The following ATRN variants were observed in gnomAD, a reference collection of about 807,000 sequenced individuals.
ATRN encodes attractin, also known as attractin-2.
ATRN carries 54 observed loss-of-function variants against 178.7 expected under a neutral mutation model. That is an observed-to-expected ratio of 0.30 (90% CI 0.24 to 0.38). The LOEUF is 0.38. ATRN is among the 10% of genes least tolerant of loss of function. The pLI is 1.00. For missense variants in ATRN, 1,443 were observed against 1,815.1 expected (o/e 0.79, Z 3.73); for synonymous variants, 636 against 663.0 (o/e 0.96, Z 0.63).
chr20:3,517,557 G>A (rs113307569), intron 1 of ATRN, among the ~76,000 whole-genome samples: 22,053 of 149,060 alleles, frequency 0.15, 2,072 homozygotes, highest in Non-Finnish European at 0.21. Context: ...GATCACCTGA[G>A]GTCACAAGTT....
intron 26 of ATRN, among the ~76,000 whole-genome samples, chr20:3,635,894 G>A (rs2087021707): frequency 6.6e-6 from 1 of 152,068 alleles, no homozygotes; most frequent in Admixed American, 6.6e-5. Context: ...AAAGCCTAAT[G>A]AATTACGTGA....
chr20:3,480,376 A>G (rs2084603022), intron 1 of ATRN, among the ~76,000 whole-genome samples: 1 of 152,226 alleles, frequency 6.6e-6, no homozygotes, highest in South Asian at 2.1e-4. Flanking sequence ...AGAACTGTTA[A>G]GAGTTAGCGT....
chr20:3,511,383 G>A lies in ATRN; in HGVS notation c.411-23870G>A, dbSNP rs144156052. On this transcript the variant is annotated intron_variant, in intron 1 of 28. Coordinates refer to ENST00000262919, the MANE Select transcript of ATRN (RefSeq NM_139321.3). ...CTGGTATCAGTAATAGGAAAGGGGA[G>A]ATCACGGTAGATCTTAACAGACACT... is the stretch of plus-strand genomic sequence containing the variant. Among the ~76,000 whole-genome samples, 4 of 151,754 alleles carry A rather than the reference G, an allele frequency of 2.6e-5. No individual in the cohort carries two copies. The East Asian group carries it at 7.7e-4, about 29-fold the overall frequency.
At chr20:3,481,444 G>C (rs765567247) in intron 1 of ATRN, among the ~76,000 whole-genome samples, 1 of 152,098 alleles carries the variant, frequency 6.6e-6, no homozygotes, top group South Asian at 2.1e-4. Context: ...TGAGCCTCTG[G>C]GCTCAAGTGC....
At chr20:3,601,434 A>G (rs1455004237) in intron 23 of ATRN, among the ~76,000 whole-genome samples, 1 of 152,224 alleles carries the variant, frequency 6.6e-6, no homozygotes, top group Non-Finnish European at 1.5e-5. Context: ...AAATGAAAAC[A>G]TTTTAAATAA....
At chr20:3,473,223 T>C (rs999380205) in intron 1 of ATRN, among the ~76,000 whole-genome samples, 1 of 152,152 alleles carries the variant, frequency 6.6e-6, no homozygotes, top group Non-Finnish European at 1.5e-5. Flanking sequence ...AAAAATTTTA[T>C]TGTAATTTTG....
intron 4 of ATRN, among the ~76,000 whole-genome samples, chr20:3,547,021 A>G (rs1419939089): frequency 1.3e-5 from 2 of 152,092 alleles, no homozygotes; most frequent in Non-Finnish European, 2.9e-5. Context: ...TACCTCCTTT[A>G]ATTTCTTTGA....
intron 1 of ATRN, among the ~76,000 whole-genome samples, chr20:3,515,143 A>C (rs917186220): frequency 6.6e-6 from 1 of 152,244 alleles, no homozygotes; most frequent in Non-Finnish European, 1.5e-5. Context: ...AAACAGCTGC[A>C]GTAAGGCAAG....
At chr20:3,639,550 G>C (rs1417522155) in intron 27 of ATRN, among the ~76,000 whole-genome samples, 1 of 152,014 alleles carries the variant, frequency 6.6e-6, no homozygotes, top group Non-Finnish European at 1.5e-5. Flanking sequence ...ACCGCACCCA[G>C]CCTATTTTTC....
At chr20:3,515,816 C>G (rs1314373162) in intron 1 of ATRN, among the ~76,000 whole-genome samples, 1 of 151,916 alleles carries the variant, frequency 6.6e-6, no homozygotes, top group Admixed American at 6.6e-5. Flanking sequence ...CTGGTGATGC[C>G]CTTGATTGGG....
At chr20:3,527,516 T>G (rs2085384030) in intron 1 of ATRN, among the ~76,000 whole-genome samples, 1 of 151,750 alleles carries the variant, frequency 6.6e-6, no homozygotes, top group Non-Finnish European at 1.5e-5. Context: ...GACAGTGGGG[T>G]GACTCAAGGT....
intron 25 of ATRN, among the ~76,000 whole-genome samples, chr20:3,633,928 A>G (rs569975006): frequency 1.3e-5 from 2 of 152,338 alleles, no homozygotes; most frequent in East Asian, 3.9e-4. Context: ...TAACTTTTTC[A>G]CCTTCTTAGA....
chr20:3,533,536 T>C (rs1374712673), intron 1 of ATRN, among the ~76,000 whole-genome samples: 1 of 152,172 alleles, frequency 6.6e-6, no homozygotes, highest in East Asian at 1.9e-4. Flanking sequence ...TTTTCCTCCT[T>C]CCTGCTGGGT....
At chr20:3,551,779 G>T (rs969138598) in intron 6 of ATRN, among the ~76,000 whole-genome samples, 7 of 152,048 alleles carry the variant, frequency 4.6e-5, no homozygotes, top group Non-Finnish European at 8.8e-5. Flanking sequence ...GAAAGATAAA[G>T]GTCAGAAAAT....
At chr20:3,472,227 A>G (rs1019710650) in intron 1 of ATRN, among the ~76,000 whole-genome samples, 18 of 152,224 alleles carry the variant, frequency 1.2e-4, no homozygotes, top group African/African-American at 3.1e-4. Flanking sequence ...GGAGAAATCA[A>G]TAAATTAATT....
In ATRN at chr20:3,592,357, G is replaced by A. The variant is rs537829030; in HGVS notation, c.3322+1051G>A. The A allele has an allele frequency of 9.4e-4, 619 of 661,056 alleles. 1 individual carries two copies. The highest frequency in any genetic ancestry group is 1.1e-3 in the Non-Finnish European group (591 of 541,326). The allele number at this position is 661,056 out of a possible 1,614,324, so 40.9% of individuals were successfully genotyped here. The stretch of plus-strand genomic sequence containing the variant: ...GGAGGTTGCAGTGAGCTAAGATCAC[G>A]CCACTGCACTCCAGCCTGGGCAACA... On this transcript the variant is annotated intron_variant, in intron 19 of 28. Transcript: ENST00000262919.
intron 11 of ATRN, 148 bp downstream of exon 11, chr20:3,565,580 A>G (rs2086021934): frequency 1.5e-6 from 1 of 661,086 alleles, no homozygotes; most frequent in Admixed American, 2.5e-5. Flanking sequence ...ATCCTGGCCA[A>G]CATGGTAAAG....
chr20:3,534,931 A>G (rs898585734), intron 1 of ATRN, among the ~76,000 whole-genome samples: 12 of 152,210 alleles, frequency 7.9e-5, no homozygotes, highest in African/African-American at 2.4e-4. Context: ...ACATAGCGAG[A>G]CCTGTCTTTA....
chr20:3,542,972 G>A (rs114189755), intron 3 of ATRN, among the ~76,000 whole-genome samples: 1 of 152,016 alleles, frequency 6.6e-6, no homozygotes, highest in Non-Finnish European at 1.5e-5. Flanking sequence ...TTTCCAGGTG[G>A]CCCTGATCTT....
Sources: allele counts gnomAD v4.1 joint callset (sites outside exome capture counted in the v4.1 genomes callset), GRCh38; gene constraint gnomAD v4.1.1; transcripts MANE v1.5; gene names NCBI Gene and HGNC (gene_info 2026-07-23, HGNC 2026-07-21).